LRMDA: variants seen among roughly 807,000 people sequenced by gnomAD.
LRMDA encodes leucine-rich melanocyte differentiation-associated protein.
A neutral mutation model predicts 29.8 loss-of-function variants in LRMDA; 18 were observed. The observed-to-expected ratio is 0.60, with a 90% confidence interval of 0.42 to 0.90. The LOEUF is 0.90. Among genes scored for constraint, LRMDA ranks in the 40% least tolerant of loss-of-function variants. LRMDA has a pLI of 0.00. For missense variants in LRMDA, 273 were observed against 273.9 expected, an observed-to-expected ratio of 1.00 and a Z score of 0.02; for synonymous variants, 125 against 109.4, an observed-to-expected ratio of 1.14 and a Z score of -0.89.
intron 2 of LRMDA, among the ~76,000 whole-genome samples, chr10:75,741,369 ACTC>A (rs753251793): frequency 4.0e-5 from 6 of 150,244 alleles, no homozygotes; most frequent in Non-Finnish European, 8.9e-5. Context: ...TCTCATGTTG[ACTC>A]CTCCTTACCT....
intron 6 of LRMDA, among the ~76,000 whole-genome samples, chr10:76,338,413 G>A (rs997890505): frequency 1.3e-5 from 2 of 151,524 alleles, no homozygotes; most frequent in African/African-American, 4.9e-5. Context: ...ATAAATGGAT[G>A]TAGAACTAGC....
At chr10:75,647,042 C>T (rs928002725) in intron 2 of LRMDA, among the ~76,000 whole-genome samples, 9 of 148,330 alleles carry the variant, frequency 6.1e-5, no homozygotes, top group Admixed American at 2.8e-4. Flanking sequence ...CAAACTTGGC[C>T]GGCAGTCCCA....
chr10:75,603,627 G>A (rs72809442), intron 2 of LRMDA, among the ~76,000 whole-genome samples: 1,925 of 152,158 alleles, frequency 0.013, 21 homozygotes, highest in Non-Finnish European at 0.02. Flanking sequence ...ATTAGTCTCA[G>A]AAAAATACAC....
At chr10:76,057,780 G>T (rs777622840) in intron 4 of LRMDA, among the ~76,000 whole-genome samples, 31 of 152,212 alleles carry the variant, frequency 2.0e-4, no homozygotes, top group Non-Finnish European at 3.2e-4. Context: ...TTGTTTGATT[G>T]TTGGACTATG....
intron 2 of LRMDA, among the ~76,000 whole-genome samples, chr10:75,676,485 G>A (rs1367245550): frequency 6.6e-6 from 1 of 152,150 alleles, no homozygotes; most frequent in Non-Finnish European, 1.5e-5. Context: ...AACTGTTTCT[G>A]TTTGTACTAG....
Position 76,012,750 on chromosome 10 carries a change from C to T in LRMDA, c.132-23258C>T, listed in dbSNP as rs146686485. 7.9e-3 allele frequency among the ~76,000 whole-genome samples: 1,196 copies of T among 152,246 alleles called. 5 individuals carry two copies. The highest frequency in any genetic ancestry group is 0.011 in the Non-Finnish European group (758 of 68,028). ...TTAAGTGGTGTCCTTCCTTGGGCAC[C>T]AGAAGACACTACACAGTGTCTTTTC... is the stretch of plus-strand genomic sequence containing the variant. On this transcript the variant is annotated intron_variant, in intron 2 of 6. Coordinates refer to ENST00000611255, the MANE Select transcript of LRMDA (RefSeq NM_001305581.2).
intron 6 of LRMDA, among the ~76,000 whole-genome samples, chr10:76,437,009 G>A (rs762666599): frequency 2.0e-5 from 3 of 152,142 alleles, no homozygotes; most frequent in Non-Finnish European, 4.4e-5. Flanking sequence ...CTCTTGGTGT[G>A]CAGAGCTTTT....
At position 75,789,575 on chromosome 10, in the gene LRMDA, A is replaced by G. The variant is rs139561429; in HGVS notation, c.132-246433A>G. On this transcript the variant is annotated intron_variant, in intron 2 of 6. Coordinates refer to ENST00000611255, the MANE Select transcript of LRMDA (RefSeq NM_001305581.2). Reference sequence around the variant, plus strand: ...AAACCAGGAATGTCTCTAATTCATAAGTGTATATTATAAATATATTTAAAA... The same window carrying G: ...AAACCAGGAATGTCTCTAATTCATAGGTGTATATTATAAATATATTTAAAA... Among the ~76,000 whole-genome samples the G allele has an allele frequency of 2.8e-4, 43 of 152,344 alleles. No individual in the cohort carries two copies. In the East Asian group the frequency reaches 6.9e-3, roughly 25 times the overall value.
chr10:76,185,293 A>G lies in LRMDA; in HGVS notation c.516+126510A>G, dbSNP rs113173706. Among the ~76,000 whole-genome samples the G allele has an allele frequency of 6.0e-3, 906 of 152,186 alleles. 9 individuals are homozygous for G. The highest frequency in any genetic ancestry group is 0.018 in the African/African-American group (756 of 41,528). ...ACTTCCTGGTGGGGCTTGGAATGAA[A>G]TTTTCCCAGGAGACCACATGGTGAT... On this transcript the variant is annotated intron_variant, in intron 5 of 6. Transcript: ENST00000611255.
At chr10:76,421,524 A>G (rs1372285779) in intron 6 of LRMDA, among the ~76,000 whole-genome samples, 1 of 152,182 alleles carries the variant, frequency 6.6e-6, no homozygotes, top group Non-Finnish European at 1.5e-5. Context: ...ATCTTAACTA[A>G]CATTTAATAT....
intron 2 of LRMDA, among the ~76,000 whole-genome samples, chr10:75,459,382 G>A (rs1410168885): frequency 4.6e-5 from 7 of 152,132 alleles, no homozygotes; most frequent in Non-Finnish European, 1.0e-4. Flanking sequence ...ATTCTGCAGT[G>A]AGCCATGATT....
At chr10:75,661,436 G>A (rs1004301389) in intron 2 of LRMDA, among the ~76,000 whole-genome samples, 1 of 152,138 alleles carries the variant, frequency 6.6e-6, no homozygotes, top group African/African-American at 2.4e-5. Flanking sequence ...CAGGAGGTCT[G>A]GCTGGGACTT....
rs59150541 is a variant in LRMDA at position 75,618,511 on chromosome 10, T to TTA, written c.131+180035_131+180036dup. Among the ~76,000 whole-genome samples the TTA allele has an allele frequency of 8.6e-3, 1,219 of 141,378 alleles. 28 individuals carry two copies. Among genetic ancestry groups the TTA allele is most frequent in the East Asian group, 0.056 (276 of 4,934 alleles). The allele number at this position is 141,378 out of a possible 152,430, so 92.7% of individuals were successfully genotyped here. A position where few individuals can be genotyped will look rare whatever the true frequency, so the allele number is the denominator to read the frequency against. On this transcript the variant is annotated intron_variant, in intron 2 of 6. Coordinates refer to ENST00000611255, the MANE Select transcript of LRMDA (RefSeq NM_001305581.2). ...ACTATATATATATCAACCATATATA[T>TTA]TATATATATATATATATATTTGACT... is the stretch of plus-strand genomic sequence containing the variant.
chr10:76,208,604 C>A (rs1004889619), intron 5 of LRMDA, among the ~76,000 whole-genome samples: 11 of 152,182 alleles, frequency 7.2e-5, no homozygotes, highest in Admixed American at 5.9e-4. Flanking sequence ...AGACTCAATG[C>A]GGGGAAACCA....
chr10:75,793,649 T>G (rs902769042), intron 2 of LRMDA, among the ~76,000 whole-genome samples: 1 of 152,218 alleles, frequency 6.6e-6, no homozygotes, highest in Non-Finnish European at 1.5e-5. Flanking sequence ...AAAAGTGATA[T>G]GTTACTTTGT....
chr10:76,019,284 G>GTGCATTTCTAAGATA (rs1847931013), intron 2 of LRMDA, among the ~76,000 whole-genome samples: 1 of 152,116 alleles, frequency 6.6e-6, no homozygotes, highest in Admixed American at 6.5e-5. Context: ...TTTCTAAGAT[G>GTGCATTTCTAAGATA]TACATTTCTT....
intron 2 of LRMDA, among the ~76,000 whole-genome samples, chr10:75,483,996 C>T (rs1461491784): frequency 6.6e-6 from 1 of 151,856 alleles, no homozygotes; most frequent in Admixed American, 6.6e-5. Context: ...CACTTTGTCA[C>T]CCAAGCTGGA....
chr10:75,628,595 C>G (rs909181791), intron 2 of LRMDA, among the ~76,000 whole-genome samples: 1 of 152,178 alleles, frequency 6.6e-6, no homozygotes, highest in African/African-American at 2.4e-5. Context: ...TGCAAACTAT[C>G]GAAACAATTC....
At chr10:75,977,138 T>TC (rs1232709964) in intron 2 of LRMDA, among the ~76,000 whole-genome samples, 2 of 148,124 alleles carry the variant, frequency 1.4e-5, no homozygotes, top group African/African-American at 4.9e-5. Context: ...TTTTTTTTTT[T>TC]CCTTTTTTAA....
Sources: allele counts gnomAD v4.1 joint callset (sites outside exome capture counted in the v4.1 genomes callset), GRCh38; gene constraint gnomAD v4.1.1; transcripts MANE v1.5; gene names NCBI Gene and HGNC (gene_info 2026-07-23, HGNC 2026-07-21).